Variants in GNAT3 observed in about 807,000 individuals in gnomAD.
GNAT3 encodes guanine nucleotide-binding protein G(t) subunit alpha-3.
Under a neutral mutation model 37.7 loss-of-function variants are expected in GNAT3, and 31 were observed. The ratio of observed to expected loss-of-function variants is 0.82; its 90% confidence interval spans 0.62 to 1.11. The LOEUF is 1.11. GNAT3 is among the 50% of genes most tolerant of loss of function. GNAT3 has a pLI of 0.00. For synonymous variants in GNAT3, 138 were observed against 139.8 expected (o/e 0.99, Z 0.09); for missense variants, 437 against 412.5 (o/e 1.06, Z -0.51).
chr7:80,491,748 G>C (rs1460691914), intron 2 of GNAT3, among the ~76,000 whole-genome samples: 4 of 152,136 alleles, frequency 2.6e-5, no homozygotes, highest in African/African-American at 7.2e-5. Flanking sequence ...CAACTTACCA[G>C]AGGCAAAAGT....
chr7:80,494,763 A>G (rs1790684292), intron 1 of GNAT3, 116 bp from the exon 2 acceptor site: 3 of 635,868 alleles, frequency 4.7e-6, no homozygotes, highest in Non-Finnish European at 8.3e-6. Context: ...AGGGGGTACA[A>G]GTGCAGTTTT....
chr7:80,508,895 G>GA (rs1310946547), intron 1 of GNAT3, among the ~76,000 whole-genome samples: 7 of 151,738 alleles, frequency 4.6e-5, no homozygotes, highest in African/African-American at 1.7e-4. Context: ...TCAACATACT[G>GA]AAAAAAAATC....
intron 3 of GNAT3, among the ~76,000 whole-genome samples, chr7:80,480,380 A>G (rs1216691965): frequency 1.3e-5 from 2 of 152,166 alleles, no homozygotes; most frequent in Non-Finnish European, 2.9e-5. Flanking sequence ...TACAATAAGT[A>G]TCAGAATAAG....
intron 5 of GNAT3, among the ~76,000 whole-genome samples, chr7:80,465,331 T>C (rs1333343137): frequency 6.6e-6 from 1 of 152,158 alleles, no homozygotes; most frequent in Admixed American, 6.6e-5. Flanking sequence ...AATGGATTAA[T>C]CTTAATTTAA....
intron 3 of GNAT3, among the ~76,000 whole-genome samples, chr7:80,483,963 T>G (rs890796370): frequency 6.6e-6 from 1 of 152,162 alleles, no homozygotes; most frequent in African/African-American, 2.4e-5. Flanking sequence ...AAAGAATATT[T>G]ATTTTATTTA....
rs150720244 is a variant in GNAT3, at chr7:80,490,778, A to G, written c.162-2102T>C. Among the ~76,000 whole-genome samples the G allele has an allele frequency of 6.7e-3, 1,021 of 152,314 alleles. 10 individuals carry two copies. Among genetic ancestry groups the G allele is most frequent in the African/African-American group, 0.023 (952 of 41,566 alleles). ...ATAGATAAATTAAGCAAATACCCCC[A>G]ACTTATTCAGTTAGTTTGTGATACA... On this transcript the variant is annotated intron_variant, in intron 2 of 7. Transcript: ENST00000398291.
At chr7:80,495,144 C>T (rs1034632978) in intron 1 of GNAT3, among the ~76,000 whole-genome samples, 2 of 152,030 alleles carry the variant, frequency 1.3e-5, no homozygotes, top group Non-Finnish European at 2.9e-5. Context: ...CATTGATGGA[C>T]ACTTAGGTTG....
At chr7:80,478,772 G>C in intron 4 of GNAT3, 69 bp downstream of exon 4, 1 of 1,439,974 alleles carries the variant, frequency 6.9e-7, no homozygotes, top group Admixed American at 1.9e-5. Flanking sequence ...CAAATGCAAA[G>C]TATGCAGAAT....
In GNAT3 at chr7:80,509,158, A is replaced by G. The variant is rs142916550; in HGVS notation, c.118+2651T>C. On this transcript the variant is annotated intron_variant, in intron 1 of 7. Coordinates refer to ENST00000398291, the MANE Select transcript of GNAT3 (RefSeq NM_001102386.3). ...TGGTTTAGTTCAACTAAGCACTTTTATAATGTCTTAATGAGGTCAAATTGA... is the reference window on the plus strand; with the variant it reads ...TGGTTTAGTTCAACTAAGCACTTTTGTAATGTCTTAATGAGGTCAAATTGA... 7.3e-3 allele frequency among the ~76,000 whole-genome samples: 1,104 copies of G among 152,224 alleles called. 40 individuals are homozygous for G. Among genetic ancestry groups the G allele is most frequent in the Admixed American group, 0.044 (674 of 15,266 alleles).
intron 2 of GNAT3, among the ~76,000 whole-genome samples, chr7:80,490,008 C>CA (rs1313348745): frequency 6.6e-6 from 1 of 152,058 alleles, no homozygotes; most frequent in African/African-American, 2.4e-5. Flanking sequence ...CTTTAAACAA[C>CA]ATCGTTTTTC....
intron 2 of GNAT3, 45 bp downstream of exon 2, chr7:80,494,559 TG>T: frequency 1.0e-6 from 1 of 1,000,046 alleles, no homozygotes; most frequent in Non-Finnish European, 1.5e-6. Context: ...GTCAAATACA[TG>T]GACAGACATC....
At chr7:80,468,254 G>A (rs542508532) in intron 5 of GNAT3, among the ~76,000 whole-genome samples, 37 of 151,694 alleles carry the variant, frequency 2.4e-4, no homozygotes, top group Middle Eastern at 6.8e-3. Context: ...CTAAATATTG[G>A]ATCACATGAG....
intron 1 of GNAT3, among the ~76,000 whole-genome samples, chr7:80,509,274 G>T (rs958468394): frequency 3.9e-5 from 6 of 152,022 alleles, no homozygotes; most frequent in Non-Finnish European, 7.4e-5. Context: ...TTTGATAATT[G>T]TATCATCATA....
chr7:80,469,006 A>G (rs1790166773), intron 5 of GNAT3, among the ~76,000 whole-genome samples: 1 of 152,118 alleles, frequency 6.6e-6, no homozygotes, highest in Non-Finnish European at 1.5e-5. Context: ...AAACAAATAT[A>G]TAGTATATAT....
At chr7:80,482,062 C>T (rs1313766216) in intron 3 of GNAT3, among the ~76,000 whole-genome samples, 1 of 152,152 alleles carries the variant, frequency 6.6e-6, no homozygotes, top group Non-Finnish European at 1.5e-5. Context: ...GGCATATGTT[C>T]TCAGGACCTC....
chr7:80,492,831 AT>A (rs574487304), intron 2 of GNAT3, among the ~76,000 whole-genome samples: 1,856 of 151,644 alleles, frequency 0.012, 17 homozygotes, highest in South Asian at 0.025. Flanking sequence ...TTATTGGGTA[AT>A]TTTTTAAAAT....
chr7:80,511,467 T>G (rs976108125), intron 1 of GNAT3, among the ~76,000 whole-genome samples: 1 of 152,096 alleles, frequency 6.6e-6, no homozygotes, highest in Non-Finnish European at 1.5e-5. Context: ...GCTAAAGGAT[T>G]TCTTTCAGTA....
At chr7:80,467,011 G>A (rs946779059) in intron 5 of GNAT3, among the ~76,000 whole-genome samples, 8 of 152,130 alleles carry the variant, frequency 5.3e-5, no homozygotes, top group African/African-American at 1.9e-4. Context: ...TCTTTGAAGG[G>A]AAAACAGTAT....
chr7:80,479,691 A>AC (rs2116172986), intron 3 of GNAT3, among the ~76,000 whole-genome samples: 1 of 147,272 alleles, frequency 6.8e-6, no homozygotes, highest in East Asian at 2.0e-4. Flanking sequence ...AGCCTAGGTG[A>AC]CAGAGCCAGA....
Sources: allele counts gnomAD v4.1 joint callset (sites outside exome capture counted in the v4.1 genomes callset), GRCh38; gene constraint gnomAD v4.1.1; transcripts MANE v1.5; gene names NCBI Gene and HGNC (gene_info 2026-07-23, HGNC 2026-07-21).